MXI1: variants seen among roughly 807,000 people sequenced by gnomAD.
MXI1 encodes MAX interactor 1, dimerization protein.
In MXI1, 18 loss-of-function variants were observed where a neutral mutation model predicts 36.9. The observed-to-expected ratio is 0.49, with a 90% CI of 0.34 to 0.72. The LOEUF (loss-of-function observed/expected upper bound fraction) is 0.72. Ranked by LOEUF, MXI1 falls within the 30% of genes least tolerant of loss-of-function variation. The pLI is 0.01. For synonymous variants in MXI1, 160 were observed against 146.7 expected, an observed-to-expected ratio of 1.09 and a Z score of -0.65; for missense variants, 304 against 379.1, an observed-to-expected ratio of 0.80 and a Z score of 1.64.
intron 3 of MXI1, among the ~76,000 whole-genome samples, chr10:110,263,085 A>T (rs1856571922): frequency 6.6e-6 from 1 of 152,164 alleles, no homozygotes; most frequent in South Asian, 2.1e-4. Flanking sequence ...CCTTGCACTT[A>T]GTACTTAAGG....
Position 110,207,981 on chromosome 10 carries a change from G to A in MXI1, c.173G>A (p.Ser58Asn). The A allele has an allele frequency of 1.2e-6, 2 of 1,601,662 alleles. No individual in the cohort carries two copies. The highest frequency in any genetic ancestry group is 1.7e-6 in the Non-Finnish European group (2 of 1,174,538). The stretch of plus-strand genomic sequence containing the variant: ...CCCTTCTCAGACATTTTCAACACCA[G>A]CGAGAACTCGATGGAGAAGCACATC... ...RCPFSDIFNT[S>N]ENSMEKHINT... Residue 58 changes from serine (S) to asparagine (N), a missense_variant, in exon 1 of 6, where the codon AGC (serine) becomes AAC (asparagine). Physicochemically the swap from Ser to Asn is conservative, Grantham distance 46. Coordinates refer to ENST00000332674, the MANE Select transcript of MXI1 (RefSeq NM_130439.3).
intron 3 of MXI1, among the ~76,000 whole-genome samples, chr10:110,268,148 A>G (rs1457714132): frequency 6.6e-6 from 1 of 152,230 alleles, no homozygotes; most frequent in Admixed American, 6.5e-5. Context: ...TTGACTGGCA[A>G]TGGTAACAAA....
chr10:110,266,888 C>T (rs1460889939), intron 3 of MXI1, among the ~76,000 whole-genome samples: 2 of 152,134 alleles, frequency 1.3e-5, no homozygotes, highest in African/African-American at 4.8e-5. Flanking sequence ...TTATAAGCTT[C>T]CCTAAAAACT....
intron 3 of MXI1, among the ~76,000 whole-genome samples, chr10:110,246,283 A>G (rs1855861137): frequency 1.3e-5 from 2 of 152,092 alleles, no homozygotes; most frequent in African/African-American, 4.8e-5. Flanking sequence ...TGATCATGCC[A>G]CTGCACTCCA....
At chr10:110,208,147 C>A in intron 1 of MXI1, 65 bp downstream of exon 1, 1 of 1,512,976 alleles carries the variant, frequency 6.6e-7, no homozygotes, top group Admixed American at 2.1e-5. Context: ...ACTTGGGCGA[C>A]CCCTGTTGCG....
In MXI1 at chr10:110,228,320, A is replaced by G; in HGVS notation, c.406A>G (p.Arg136Gly). 1 of 1,614,142 alleles carries G rather than the reference A, an allele frequency of 6.2e-7. No individual in the cohort carries two copies. Among genetic ancestry groups the G allele is most frequent in the Non-Finnish European group, 8.5e-7 (1 of 1,180,020 alleles). Residue 136 changes from arginine (R) to glycine (G), a missense_variant and splice_region_variant, in exon 2 of 6, where the codon AGA becomes GGA. Arg to Gly is a moderately radical substitution (Grantham distance 125, BLOSUM62 -2). Transcript: ENST00000332674. ...GAGCAGCAACACCAGCACTGCCAAC[A>G]GGTAGCAAGCTGGGAACGCTTAGAA... is the stretch of plus-strand genomic sequence containing the variant. ...SGSSNTSTAN[R>G]STHNELEKNR...
intron 1 of MXI1, chr10:110,227,971 T>C (rs573161742): frequency 1.1e-4 from 60 of 522,854 alleles, no homozygotes; most frequent in South Asian, 7.8e-4. Context: ...ATAAACTCTT[T>C]GGTTTAGAGG....
chr10:110,242,482 G>C (rs1010485409), intron 2 of MXI1, among the ~76,000 whole-genome samples: 1 of 151,958 alleles, frequency 6.6e-6, no homozygotes, highest in Non-Finnish European at 1.5e-5. Flanking sequence ...ACATGGTAAT[G>C]ATTTGTATAT....
chr10:110,250,639 A>G (rs776485291), intron 3 of MXI1, among the ~76,000 whole-genome samples: 3 of 151,710 alleles, frequency 2.0e-5, no homozygotes, highest in Admixed American at 6.6e-5. Flanking sequence ...TGAGACTAGC[A>G]GGGCCAACAT....
At chr10:110,284,783 T>G in intron 5 of MXI1, 41 bp from the exon 6 acceptor site, 4 of 1,544,622 alleles carry the variant, frequency 2.6e-6, no homozygotes, top group Non-Finnish European at 3.5e-6. Context: ...TGCGCTATAC[T>G]CGATAATTAA....
intron 3 of MXI1, among the ~76,000 whole-genome samples, chr10:110,273,305 C>CCAAAGTG (rs1241458137): frequency 6.6e-6 from 1 of 152,038 alleles, no homozygotes; most frequent in African/African-American, 2.4e-5. Flanking sequence ...CCTCGGCCTC[C>CCAAAGTG]CAAAGTGCTG....
intron 3 of MXI1, among the ~76,000 whole-genome samples, chr10:110,272,110 C>T (rs1158543436): frequency 6.6e-6 from 1 of 152,108 alleles, no homozygotes; most frequent in Admixed American, 6.6e-5. Flanking sequence ...TCCTGGAGGC[C>T]CTGGGATGTA....
intron 4 of MXI1, among the ~76,000 whole-genome samples, chr10:110,279,675 C>T (rs1045680890): frequency 2.0e-5 from 3 of 152,166 alleles, no homozygotes; most frequent in Non-Finnish European, 2.9e-5. Flanking sequence ...AGAAGTCCAT[C>T]TTGTTCAAGT....
At chr10:110,221,762 A>C (rs1375308544) in intron 1 of MXI1, among the ~76,000 whole-genome samples, 1 of 152,138 alleles carries the variant, frequency 6.6e-6, no homozygotes, top group African/African-American at 2.4e-5. Flanking sequence ...AAAAGCAACA[A>C]ACTTCCAGAT....
chr10:110,244,880 C>T (rs2134393452), intron 3 of MXI1, 23 bp downstream of exon 3: 1 of 1,605,720 alleles, frequency 6.2e-7, no homozygotes, highest in South Asian at 1.1e-5. Context: ...TGAGGTACAG[C>T]TTTCACTTAC....
intron 3 of MXI1, among the ~76,000 whole-genome samples, chr10:110,273,400 T>C (rs1265274821): frequency 6.6e-6 from 1 of 152,176 alleles, no homozygotes; most frequent in Non-Finnish European, 1.5e-5. Flanking sequence ...CAGAATATGA[T>C]CATACATGTT....
At chr10:110,250,133 T>A (rs992215689) in intron 3 of MXI1, among the ~76,000 whole-genome samples, 12 of 149,974 alleles carry the variant, frequency 8.0e-5, no homozygotes, top group African/African-American at 2.7e-4. Flanking sequence ...TCAGGACTGA[T>A]AGAGAAATTC....
chr10:110,215,039 TTTTG>T lies in MXI1; in HGVS notation c.274+6961_274+6964del, dbSNP rs1443190923. 4.2e-4 allele frequency among the ~76,000 whole-genome samples: 32 copies of T among 76,900 alleles called. 3 individuals carry two copies. Among genetic ancestry groups the T allele is most frequent in the East Asian group, 6.9e-4 (2 of 2,906 alleles). The allele number at this position is 76,900 out of a possible 152,430, so 50.4% of individuals were successfully genotyped here. ...CTTTCTGCTCCACTTCAGTTTTTTTTTTTGTTTTTTTTTTTTTTTTGAGATGGAG... is the reference window on the plus strand; with the variant it reads ...CTTTCTGCTCCACTTCAGTTTTTTTTTTTTTTTTTTTTTTTTGAGATGGAG... On this transcript the variant is annotated intron_variant, in intron 1 of 5. Transcript: ENST00000332674.
At chr10:110,248,374 A>G (rs1855950102) in intron 3 of MXI1, among the ~76,000 whole-genome samples, 1 of 152,222 alleles carries the variant, frequency 6.6e-6, no homozygotes, top group Non-Finnish European at 1.5e-5. Flanking sequence ...AGTTTTGTTT[A>G]ATGCATTTTG....
Sources: gnomAD v4.1 joint callset for allele counts (sites outside exome capture counted in the v4.1 genomes callset) on GRCh38, gnomAD v4.1.1 for gene constraint, MANE v1.5 for transcripts, NCBI Gene and HGNC (gene_info 2026-07-23, HGNC 2026-07-21) for gene names.